The following PRKCA variants were observed in gnomAD, a reference collection of about 807,000 sequenced individuals.
The protein encoded by PRKCA is protein kinase C alpha, also known as protein kinase C alpha type.
A neutral mutation model predicts 87.0 loss-of-function variants in PRKCA; 27 were observed. The ratio of observed to expected loss-of-function variants is 0.31; its 90% confidence interval spans 0.23 to 0.43. The LOEUF (loss-of-function observed/expected upper bound fraction) is 0.43. PRKCA is among the 20% of genes least tolerant of loss of function. The probability of loss-of-function intolerance (pLI) is 1.00; values close to 1 mark genes in which losing one functional copy is unlikely to be tolerated. For synonymous variants in PRKCA, 329 were observed against 311.1 expected, an observed-to-expected ratio of 1.06 and a Z score of -0.61; for missense variants, 518 against 852.3, an observed-to-expected ratio of 0.61 and a Z score of 4.88.
chr17:66,726,562 C>G (rs1380914803), intron 8 of PRKCA, among the ~76,000 whole-genome samples: 1 of 152,082 alleles, frequency 6.6e-6, no homozygotes, highest in African/African-American at 2.4e-5. Context: ...AGGCAGGAGA[C>G]AGGTGGGAGC....
At chr17:66,778,523 TAAAAGA>T (rs975730647) in intron 14 of PRKCA, among the ~76,000 whole-genome samples, 1 of 149,450 alleles carries the variant, frequency 6.7e-6, no homozygotes, top group African/African-American at 2.5e-5. Flanking sequence ...CTCAAAAAAA[TAAAAGA>T]AAAAAAGAAA....
intron 2 of PRKCA, among the ~76,000 whole-genome samples, chr17:66,312,015 C>G (rs1249806646): frequency 6.6e-6 from 1 of 152,254 alleles, no homozygotes; most frequent in Non-Finnish European, 1.5e-5. Context: ...GAGTCTCGCT[C>G]TTGTCTCCCA....
At chr17:66,455,791 A>G (rs1451518173) in intron 2 of PRKCA, among the ~76,000 whole-genome samples, 1 of 152,146 alleles carries the variant, frequency 6.6e-6, no homozygotes, top group Admixed American at 6.5e-5. Flanking sequence ...AGGGAGTGAG[A>G]CGTTCATATC....
intron 8 of PRKCA, among the ~76,000 whole-genome samples, chr17:66,722,652 A>G (rs1973643838): frequency 6.6e-6 from 1 of 152,222 alleles, no homozygotes; most frequent in South Asian, 2.1e-4. Context: ...CGTGTCAGTC[A>G]TCAGTAAATT....
chr17:66,641,590 A>G, intron 4 of PRKCA, 124 bp downstream of exon 4: 1 of 552,828 alleles, frequency 1.8e-6, no homozygotes. Flanking sequence ...TAGTTCAGAT[A>G]TCTACCAGAC....
At chr17:66,359,337 G>A (rs538564649) in intron 2 of PRKCA, among the ~76,000 whole-genome samples, 54 of 152,202 alleles carry the variant, frequency 3.5e-4, no homozygotes, top group African/African-American at 1.3e-3. Flanking sequence ...ACTTATAAAT[G>A]ATTTTGCAAT....
At chr17:66,493,615 A>T (rs1916340122) in intron 2 of PRKCA, among the ~76,000 whole-genome samples, 1 of 151,872 alleles carries the variant, frequency 6.6e-6, no homozygotes, top group African/African-American at 2.4e-5. Context: ...ACAGCATGCT[A>T]GATTTGGGGG....
intron 3 of PRKCA, among the ~76,000 whole-genome samples, chr17:66,571,506 GA>G (rs765128634): frequency 1.3e-5 from 2 of 152,088 alleles, no homozygotes; most frequent in Non-Finnish European, 2.9e-5. Context: ...CTTCATGGAA[GA>G]AAAAGTTAAT....
At chr17:66,439,382 A>G (rs1913595703) in intron 2 of PRKCA, among the ~76,000 whole-genome samples, 1 of 152,074 alleles carries the variant, frequency 6.6e-6, no homozygotes, top group Non-Finnish European at 1.5e-5. Context: ...GGGTTTCAGC[A>G]TATTGGCCAG....
intron 8 of PRKCA, among the ~76,000 whole-genome samples, chr17:66,712,549 C>T (rs180840741): frequency 6.6e-6 from 1 of 152,250 alleles, no homozygotes; most frequent in East Asian, 1.9e-4. Context: ...GAGGCTTTCA[C>T]CTCCCTGGGT....
At chr17:66,509,056 A>C (rs1917101028) in intron 3 of PRKCA, among the ~76,000 whole-genome samples, 1 of 152,058 alleles carries the variant, frequency 6.6e-6, no homozygotes, top group Non-Finnish European at 1.5e-5. Flanking sequence ...CTCAGTGTAC[A>C]CACACTTAAT....
intron 5 of PRKCA, among the ~76,000 whole-genome samples, chr17:66,672,911 T>C (rs78841581): frequency 0.011 from 1,729 of 152,344 alleles, 29 homozygotes; most frequent in African/African-American, 0.039. Context: ...AATGTGCCAA[T>C]GTTGGTTCTC....
rs562144566 is a variant in PRKCA at position 66,706,518 on chromosome 17, CTGT to C, written c.918+17472_918+17474del. On this transcript the variant is annotated intron_variant, in intron 8 of 16. Transcript: ENST00000413366. ...ATTAGCCAGGCATGATGGCAGGCAC[CTGT>C]AGTCCCAGCTGGAGGCTGAGGCAGG... Among the ~76,000 whole-genome samples, 24 of 151,946 alleles carry C rather than the reference CTGT, an allele frequency of 1.6e-4. No individual in the cohort carries two copies. The East Asian group carries it at 4.1e-3, about 26-fold the overall frequency.
At chr17:66,656,691 A>T (rs1971741887) in intron 5 of PRKCA, among the ~76,000 whole-genome samples, 1 of 152,156 alleles carries the variant, frequency 6.6e-6, no homozygotes. Context: ...ATAACAGATA[A>T]ATGCTCCTTT....
chr17:66,311,527 G>A (rs1217291363), intron 2 of PRKCA, among the ~76,000 whole-genome samples: 1 of 152,194 alleles, frequency 6.6e-6, no homozygotes, highest in African/African-American at 2.4e-5. Context: ...TGAGGTGGGA[G>A]GATCACTTGA....
intron 3 of PRKCA, among the ~76,000 whole-genome samples, chr17:66,629,990 G>A (rs1181654767): frequency 1.3e-5 from 2 of 152,132 alleles, no homozygotes; most frequent in Non-Finnish European, 2.9e-5. Flanking sequence ...CTGGTGAAAG[G>A]TCCATGGGAA....
chr17:66,721,120 G>T (rs1973603893), intron 8 of PRKCA, among the ~76,000 whole-genome samples: 1 of 152,096 alleles, frequency 6.6e-6, no homozygotes. Flanking sequence ...GAATGGGCCG[G>T]GTGCAGTGGC....
chr17:66,595,744 G>A (rs751997350), intron 3 of PRKCA, among the ~76,000 whole-genome samples: 2 of 152,130 alleles, frequency 1.3e-5, no homozygotes, highest in South Asian at 2.1e-4. Context: ...GAGCCACCAC[G>A]CCCTGCCAAA....
At chr17:66,340,380 C>CCTT (rs1555585937) in intron 2 of PRKCA, among the ~76,000 whole-genome samples, 11 of 127,876 alleles carry the variant, frequency 8.6e-5, no homozygotes, top group African/African-American at 1.7e-4. Flanking sequence ...TTTTTTTTTT[C>CCTT]TTTTTTTTTT....
Sources: gnomAD v4.1 joint callset for allele counts (sites outside exome capture counted in the v4.1 genomes callset) on GRCh38, gnomAD v4.1.1 for gene constraint, MANE v1.5 for transcripts, NCBI Gene and HGNC (gene_info 2026-07-23, HGNC 2026-07-21) for gene names.